Variants in GABRR1 observed in about 807,000 individuals in gnomAD.
GABRR1 encodes the protein gamma-aminobutyric acid receptor subunit rho-1.
A neutral mutation model predicts 55.5 loss-of-function variants in GABRR1; 59 were observed. That is an observed-to-expected ratio of 1.06 (90% CI 0.86 to 1.32). GABRR1 has a LOEUF of 1.32. Ranked by LOEUF, GABRR1 falls within the 40% of genes most tolerant of loss-of-function variation. GABRR1 has a pLI of 0.00. For missense variants in GABRR1, 602 were observed against 619.1 expected (o/e 0.97, Z 0.29); for synonymous variants, 213 against 226.0 (o/e 0.94, Z 0.51).
intron 1 of GABRR1, among the ~76,000 whole-genome samples, chr6:89,215,815 A>G (rs2127808771): frequency 6.6e-6 from 1 of 152,286 alleles, no homozygotes; most frequent in South Asian, 2.1e-4. Flanking sequence ...TGTCACTTAA[A>G]ATTTAAATGT....
chr6:89,186,716 G>A (rs776560678), intron 6 of GABRR1, among the ~76,000 whole-genome samples: 1 of 152,212 alleles, frequency 6.6e-6, no homozygotes, highest in Non-Finnish European at 1.5e-5. Flanking sequence ...CTCTGCCACC[G>A]AGCTCTGTCC....
At chr6:89,192,863 T>C (rs1383295136) in intron 5 of GABRR1, among the ~76,000 whole-genome samples, 1 of 152,214 alleles carries the variant, frequency 6.6e-6, no homozygotes, top group South Asian at 2.1e-4. Flanking sequence ...CCCGGCCTCA[T>C]TGACTCTTTT....
At chr6:89,222,029 G>T (rs1582411640), upstream of GABRR1, among the ~76,000 whole-genome samples, 6 of 152,170 alleles carry the variant, frequency 3.9e-5, no homozygotes, top group South Asian at 1.2e-3. Context: ...CTTTCTCAGG[G>T]TATGGTCTTT....
At chr6:89,201,494 C>G (rs979372569) in intron 2 of GABRR1, among the ~76,000 whole-genome samples, 5 of 152,144 alleles carry the variant, frequency 3.3e-5, no homozygotes, top group African/African-American at 9.7e-5. Flanking sequence ...AATACTGATG[C>G]CTGGGCCGGG....
upstream of GABRR1, among the ~76,000 whole-genome samples, chr6:89,219,124 G>A (rs1454388863): frequency 3.9e-5 from 6 of 152,124 alleles, no homozygotes; most frequent in Admixed American, 6.5e-5. Flanking sequence ...AAATTACCTC[G>A]GTGTGGTGGC....
At chr6:89,187,568 CT>C (rs1771945459) in intron 6 of GABRR1, among the ~76,000 whole-genome samples, 1 of 152,140 alleles carries the variant, frequency 6.6e-6, no homozygotes, top group African/African-American at 2.4e-5. Context: ...CTCCAGAACT[CT>C]TTTCATCTTC....
intron 1 of GABRR1, among the ~76,000 whole-genome samples, chr6:89,211,048 G>A (rs577069451): frequency 1.3e-5 from 2 of 152,282 alleles, no homozygotes; most frequent in South Asian, 4.1e-4. Flanking sequence ...GGAGCAGCAG[G>A]TGCAGAGGCC....
At chr6:89,196,822 GGAAAGAAAGAAA>G (rs59446411) in intron 5 of GABRR1, among the ~76,000 whole-genome samples, 1,612 of 91,098 alleles carry the variant, frequency 0.018, 22 homozygotes, top group African/African-American at 0.049. Context: ...AAGAAAAGAA[GGAAAGAAAGAAA>G]GAAAGAAAGA....
At chr6:89,213,590 A>C (rs2127807446) in intron 1 of GABRR1, among the ~76,000 whole-genome samples, 1 of 152,388 alleles carries the variant, frequency 6.6e-6, no homozygotes, top group Non-Finnish European at 1.5e-5. Flanking sequence ...AAGCAACCAA[A>C]TGTCTGTAAA....
At chr6:89,221,631 T>C (rs1773116596), upstream of GABRR1, among the ~76,000 whole-genome samples, 3 of 152,142 alleles carry the variant, frequency 2.0e-5, no homozygotes, top group Admixed American at 6.6e-5. Context: ...CATCCATGGA[T>C]TTTGGAATCC....
rs1460942510 is a variant in GABRR1, at chr6:89,201,149, C to T, written c.280+10G>A. 2.9e-5 allele frequency: 46 copies of T among 1,598,394 alleles called. No homozygotes were observed. The highest frequency in any genetic ancestry group is 3.9e-5 in the Non-Finnish European group (45 of 1,165,798). On this transcript the variant is annotated intron_variant, in intron 3 of 9. Transcript: ENST00000454853. ...AGAAAGAGGACACCCTGAGAGCACA[C>T]ATCCCATACCTCCAAAGCCAGGCCT...
At chr6:89,221,080 C>T (rs1198318628), upstream of GABRR1, among the ~76,000 whole-genome samples, 1 of 152,096 alleles carries the variant, frequency 6.6e-6, no homozygotes, top group African/African-American at 2.4e-5. Context: ...AGCCTTCTCT[C>T]TCTTCTCACT....
intron 8 of GABRR1, among the ~76,000 whole-genome samples, 175 bp downstream of exon 8, chr6:89,181,730 T>C (rs184689902): frequency 6.6e-6 from 1 of 152,330 alleles, no homozygotes; most frequent in East Asian, 1.9e-4. Flanking sequence ...AGCATTTTGC[T>C]ACATAGATTC....
At chr6:89,201,044 A>C (rs1209161812) in intron 3 of GABRR1, 115 bp downstream of exon 3, 4 of 747,672 alleles carry the variant, frequency 5.3e-6, no homozygotes, top group Non-Finnish European at 9.3e-6. Flanking sequence ...CACCAAGCAC[A>C]ACTGAGGCAG....
At chr6:89,191,971 G>A (rs539785381) in intron 5 of GABRR1, among the ~76,000 whole-genome samples, 1 of 152,114 alleles carries the variant, frequency 6.6e-6, no homozygotes, top group South Asian at 2.1e-4. Context: ...GAACCTGGGA[G>A]GCGGAGGTTG....
chr6:89,179,354 G>C (rs1356358841), intron 9 of GABRR1, among the ~76,000 whole-genome samples: 2 of 152,062 alleles, frequency 1.3e-5, no homozygotes, highest in African/African-American at 2.4e-5. Flanking sequence ...CAAGTAGCTA[G>C]GATTACAGAT....
rs73754872 is a variant in GABRR1 at position 89,205,927 on chromosome 6, A to C, written c.123-2442T>G. Among the ~76,000 whole-genome samples the C allele has an allele frequency of 7.7e-3, 1,010 of 130,374 alleles. 15 individuals carry two copies. The highest frequency in any genetic ancestry group is 0.028 in the African/African-American group (966 of 34,224). The allele number at this position is 130,374 out of a possible 152,430, so 85.5% of individuals were successfully genotyped here. A position where few individuals can be genotyped will look rare whatever the true frequency, so the allele number is the denominator to read the frequency against. ...CCATCTCTCACATCCTCTTCCAGGGACACTGAGAACACTGGCTCTAGCTCC... is the reference window on the plus strand; with the variant it reads ...CCATCTCTCACATCCTCTTCCAGGGCCACTGAGAACACTGGCTCTAGCTCC... On this transcript the variant is annotated intron_variant, in intron 1 of 9. Coordinates refer to ENST00000454853, the MANE Select transcript of GABRR1 (RefSeq NM_002042.5).
At chr6:89,213,946 T>C (rs1772909079) in intron 1 of GABRR1, among the ~76,000 whole-genome samples, 1 of 12,852 alleles carries the variant, frequency 7.8e-5, no homozygotes, top group Non-Finnish European at 2.1e-4. Flanking sequence ...GCATGCTGAA[T>C]TGAATCTGCA....
At chr6:89,223,866 C>T (rs546270499) in intron 1 of GABRR1, among the ~76,000 whole-genome samples, 12 of 151,572 alleles carry the variant, frequency 7.9e-5, no homozygotes, top group East Asian at 1.9e-4. Context: ...TGGGTTCAAG[C>T]GATTCTCCAG....
Sources: gnomAD v4.1 joint callset for allele counts (sites outside exome capture counted in the v4.1 genomes callset) on GRCh38, gnomAD v4.1.1 for gene constraint, MANE v1.5 for transcripts, NCBI Gene and HGNC (gene_info 2026-07-23, HGNC 2026-07-21) for gene names.